The following SEC63 variants were observed in gnomAD, a reference collection of about 807,000 sequenced individuals.
SEC63 encodes the protein translocation protein SEC63 homolog.
In SEC63, 56 loss-of-function variants were observed where a neutral mutation model predicts 116.2. The ratio of observed to expected loss-of-function variants is 0.48; its 90% CI spans 0.39 to 0.60. SEC63 has a LOEUF of 0.60. SEC63 is among the 20% of genes least tolerant of loss of function. The probability of loss-of-function intolerance (pLI) is 0.00; values close to 1 mark genes in which losing one functional copy is unlikely to be tolerated. For synonymous variants in SEC63, 273 were observed against 294.6 expected (o/e 0.93, Z 0.75); for missense variants, 668 against 900.0 (o/e 0.74, Z 3.30).
At chr6:107,913,864 A>G (rs1787341021) in intron 4 of SEC63, among the ~76,000 whole-genome samples, 1 of 152,210 alleles carries the variant, frequency 6.6e-6, no homozygotes, top group Non-Finnish European at 1.5e-5. Flanking sequence ...TAAAAACATA[A>G]ATTTAATTCA....
At chr6:107,918,704 AC>A (rs1787474463) in intron 4 of SEC63, among the ~76,000 whole-genome samples, 1 of 151,224 alleles carries the variant, frequency 6.6e-6, no homozygotes, top group South Asian at 2.1e-4. Context: ...AAAAAAAAAA[AC>A]AAAAAACAAA....
intron 11 of SEC63, 34 bp from the exon 12 acceptor site, chr6:107,903,032 G>A: frequency 6.2e-7 from 1 of 1,611,634 alleles, no homozygotes; most frequent in Non-Finnish European, 8.5e-7. Context: ...AAACAGGGCT[G>A]GACTTTTTAC....
intron 17 of SEC63, among the ~76,000 whole-genome samples, chr6:107,882,377 T>C (rs931911493): frequency 6.6e-6 from 1 of 152,188 alleles, no homozygotes. Flanking sequence ...CATTCTTCTC[T>C]ATAATTCTCC....
rs576014590 is a variant in SEC63, at chr6:107,944,315, G to C, written c.124+13571C>G. On this transcript the variant is annotated intron_variant, in intron 1 of 20. Transcript: ENST00000369002. ...GGAAGAAAGTAATCCTGTCAATTTTGTGCATATTCATAGAAAGATCTCTAT... is the reference window on the plus strand; with the variant it reads ...GGAAGAAAGTAATCCTGTCAATTTTCTGCATATTCATAGAAAGATCTCTAT... Among the ~76,000 whole-genome samples the C allele has an allele frequency of 1.8e-3, 276 of 152,320 alleles. 4 individuals carry two copies. The highest frequency in any genetic ancestry group is 5.0e-3 in the African/African-American group (208 of 41,574).
intron 2 of SEC63, 45 bp downstream of exon 2, chr6:107,929,370 A>G: frequency 1.0e-6 from 1 of 964,324 alleles, no homozygotes; most frequent in East Asian, 2.4e-5. Flanking sequence ...GACCTAGCAA[A>G]GAGTAAGCAT....
At chr6:107,904,130 A>C (rs1486693853) in intron 11 of SEC63, among the ~76,000 whole-genome samples, 1 of 144,184 alleles carries the variant, frequency 6.9e-6, no homozygotes, top group African/African-American at 2.6e-5. Context: ...AAAAAAAAAA[A>C]AACAAGAATT....
intron 1 of SEC63, among the ~76,000 whole-genome samples, chr6:107,938,581 T>C (rs1283370796): frequency 1.3e-5 from 2 of 150,064 alleles, no homozygotes; most frequent in African/African-American, 2.5e-5. Flanking sequence ...TTTTTTTTTT[T>C]AGACGGAGTC....
chr6:107,910,592 T>C (rs924517733), intron 7 of SEC63, among the ~76,000 whole-genome samples: 1 of 152,090 alleles, frequency 6.6e-6, no homozygotes, highest in Non-Finnish European at 1.5e-5. Flanking sequence ...CACATGTATG[T>C]CATACACACA....
chr6:107,918,912 T>C (rs1787480965), intron 4 of SEC63, among the ~76,000 whole-genome samples: 1 of 135,904 alleles, frequency 7.4e-6, no homozygotes, highest in Non-Finnish European at 1.6e-5. Context: ...TCCTTTTTTT[T>C]TTTTTTTTTT....
chr6:107,880,371 G>A (rs1287296358), intron 18 of SEC63, among the ~76,000 whole-genome samples: 1 of 152,226 alleles, frequency 6.6e-6, no homozygotes, highest in Non-Finnish European at 1.5e-5. Context: ...GAGGCAGTCT[G>A]TGGAACAGTT....
chr6:107,905,155 T>A (rs182134174), intron 10 of SEC63, among the ~76,000 whole-genome samples: 1 of 152,350 alleles, frequency 6.6e-6, no homozygotes, highest in Admixed American at 6.5e-5. Flanking sequence ...ATACTGCATA[T>A]AATAGTTAAC....
At position 107,870,306 on chromosome 6, in the gene SEC63, T is replaced by G. The variant is rs556907; in HGVS notation, c.*1398A>C. On this transcript the variant is annotated 3_prime_UTR_variant, in exon 21 of 21. Coordinates refer to ENST00000369002, the MANE Select transcript of SEC63 (RefSeq NM_007214.5). ...TTAAATTTAGAACCAAAAAAACCAT[T>G]CATGGTTTTGCTAATTTTCACATTT... 134,335 of 152,634 alleles carry G rather than the reference T, an allele frequency of 0.88. 59,269 individuals carry two copies. The highest frequency in any genetic ancestry group is 0.92 in the Middle Eastern group (271 of 294). 9.5% of individuals were successfully genotyped at this position (152,634 alleles called of 1,614,324 possible).
At chr6:107,931,316 T>C (rs1787801316) in intron 1 of SEC63, among the ~76,000 whole-genome samples, 1 of 151,926 alleles carries the variant, frequency 6.6e-6, no homozygotes, top group African/African-American at 2.4e-5. Context: ...CACTCCAGCC[T>C]GGGAAACAAG....
rs1253724666 is a variant in SEC63 at position 107,893,536 on chromosome 6, T to C, written c.1620A>G (p.Leu540=). The change falls in exon 16 of 21, where the codon CTA becomes CTG. Residue 540 remains leucine (L), a synonymous_variant. Coordinates refer to ENST00000369002, the MANE Select transcript of SEC63 (RefSeq NM_007214.5). ...KPLKKKPTPV[L]LPQSKQQKQK... ...GTTTCTGTTGCTTTGACTGTGGTAATAGCACAGGTGTAGGTTTTTTTTTTA... is the reference window on the plus strand; with the variant it reads ...GTTTCTGTTGCTTTGACTGTGGTAACAGCACAGGTGTAGGTTTTTTTTTTA... 3 of 1,613,086 alleles carry C rather than the reference T, an allele frequency of 1.9e-6. No homozygotes were observed. In the South Asian group the frequency reaches 3.3e-5, roughly 18 times the overall value.
intron 14 of SEC63, 106 bp from the exon 15 acceptor site, chr6:107,894,003 G>A: frequency 8.4e-7 from 1 of 1,188,922 alleles, no homozygotes. Flanking sequence ...ATTTTTAACT[G>A]GCTACAATTG....
intron 16 of SEC63, among the ~76,000 whole-genome samples, chr6:107,891,617 G>A (rs1423033392): frequency 1.3e-5 from 2 of 152,122 alleles, no homozygotes; most frequent in South Asian, 2.1e-4. Context: ...GTGAGGAGCT[G>A]TGATCCTTTG....
At chr6:107,907,443 A>G (rs867753412) in intron 8 of SEC63, among the ~76,000 whole-genome samples, 2 of 151,876 alleles carry the variant, frequency 1.3e-5, no homozygotes, top group African/African-American at 2.4e-5. Context: ...TTAGCCAGGC[A>G]TAGTGGTGCA....
At position 107,901,394 on chromosome 6, in the gene SEC63, C is replaced by T. The variant is rs1383850776; in HGVS notation, c.1333G>A (p.Val445Met). 3.1e-6 allele frequency: 5 copies of T among 1,612,988 alleles called. No homozygotes were observed. The highest frequency in any genetic ancestry group is 4.2e-6 in the Non-Finnish European group (5 of 1,179,744). ...VMAVLGSFPYVTMDIKSQVLD... is the reference protein window; with the variant it reads ...VMAVLGSFPYMTMDIKSQVLD... ...CCCTGTGATTTTATATCCATGGTCA[C>T]ATATGGAAAACTCCCAAGGACAGCC... is the stretch of plus-strand genomic sequence containing the variant. Residue 445 changes from valine to methionine, a missense_variant, in exon 13 of 21, where the codon GTG (valine) becomes ATG (methionine). Around this residue, in one of 5 missense-constraint regions of SEC63, gnomAD observed 430 missense variants for 557.5 expected, o/e 0.77. Transcript: ENST00000369002.
rs573286793 is a variant in SEC63 at position 107,911,168 on chromosome 6, C to T, written c.624+178G>A. On this transcript the variant is annotated intron_variant, in intron 7 of 20. Transcript: ENST00000369002. ...GTGCAGAGGTGGGGTCATGGCTCACCGCAACCTCAAACACCTAGGCTCAAG... is the reference window on the plus strand; with the variant it reads ...GTGCAGAGGTGGGGTCATGGCTCACTGCAACCTCAAACACCTAGGCTCAAG... 4.3e-4 allele frequency: 267 copies of T among 615,020 alleles called. 3 individuals carry two copies. The highest frequency in any genetic ancestry group is 3.9e-3 in the South Asian group (197 of 50,856). 38.1% of individuals were successfully genotyped at this position (615,020 alleles called of 1,614,324 possible).
Sources: allele counts gnomAD v4.1 joint callset (sites outside exome capture counted in the v4.1 genomes callset), GRCh38; gene constraint gnomAD v4.1.1; regional missense constraint gnomAD v4.1.1; transcripts MANE v1.5; gene names NCBI Gene and HGNC (gene_info 2026-07-23, HGNC 2026-07-21).